The following DNER variants were observed in gnomAD, a reference collection of about 807,000 sequenced individuals.
DNER encodes delta/notch like EGF repeat containing.
Under a neutral mutation model 78.2 loss-of-function variants are expected in DNER, and 33 were observed. That is an observed-to-expected ratio of 0.42 (90% CI 0.32 to 0.56). The LOEUF is 0.56. Among genes scored for constraint, DNER ranks in the 20% least tolerant of loss-of-function variants. The pLI, the probability that DNER is intolerant of heterozygous loss-of-function variation, is 0.11. For missense variants in DNER, 918 were observed against 975.3 expected (o/e 0.94, Z 0.78); for synonymous variants, 417 against 384.8 (o/e 1.08, Z -0.98).
Position 229,367,004 on chromosome 2 carries a change from C to T in DNER, c.1971G>A (p.Leu657=). 1.2e-6 allele frequency: 2 copies of T among 1,614,038 alleles called. No homozygotes were observed. Among genetic ancestry groups the T allele is most frequent in the Non-Finnish European group, 1.7e-6 (2 of 1,179,988 alleles). ...GGCTGATGCGGCAAATCCCCACGAT[C>T]AGGATGATCAGCATAAGGATGAAGG... The part of the protein sequence containing the change: ...CVAFILMLII[L]IVGICRISRI... The change falls in exon 12 of 13, where the codon CTG becomes CTA. Residue 657 remains leucine, a synonymous_variant. Transcript: ENST00000341772.
intron 1 of DNER, among the ~76,000 whole-genome samples, chr2:229,596,251 T>C (rs921314681): frequency 6.6e-6 from 1 of 152,260 alleles, no homozygotes; most frequent in Non-Finnish European, 1.5e-5. Flanking sequence ...TGAAGTGTAC[T>C]GCCTTGTTAA....
chr2:229,574,078 GC>G (rs758806070), intron 4 of DNER, among the ~76,000 whole-genome samples: 4 of 152,166 alleles, frequency 2.6e-5, no homozygotes, highest in Non-Finnish European at 5.9e-5. Context: ...CAAGTTGAAT[GC>G]CACCTGAAGG....
chr2:229,446,654 A>G (rs1258226673), intron 8 of DNER, among the ~76,000 whole-genome samples: 1 of 152,210 alleles, frequency 6.6e-6, no homozygotes. Context: ...CTTTCTGACT[A>G]CACTAGTGGG....
chr2:229,670,992 G>A (rs552358892), intron 1 of DNER, among the ~76,000 whole-genome samples: 2 of 152,112 alleles, frequency 1.3e-5, no homozygotes, highest in South Asian at 4.2e-4. Context: ...TGCAGGGAGG[G>A]GGAATTTTTT....
chr2:229,626,103 T>C (rs746228717), intron 1 of DNER, among the ~76,000 whole-genome samples: 2 of 152,162 alleles, frequency 1.3e-5, no homozygotes, highest in Non-Finnish European at 2.9e-5. Context: ...GTATTTTTAG[T>C]AGAGACGGGG....
At chr2:229,512,343 A>G (rs1695880296) in intron 6 of DNER, among the ~76,000 whole-genome samples, 1 of 148,742 alleles carries the variant, frequency 6.7e-6, no homozygotes, top group South Asian at 2.1e-4. Flanking sequence ...AGATCACACC[A>G]TTGCACTCCA....
chr2:229,713,402 T>C (rs1699938711), intron 1 of DNER, among the ~76,000 whole-genome samples: 1 of 152,214 alleles, frequency 6.6e-6, no homozygotes, highest in Non-Finnish European at 1.5e-5. Flanking sequence ...CCCCACGCTT[T>C]CTGGCGGCTT....
rs114152356 is a variant in DNER, at chr2:229,396,863, C to G, written c.1724-8467G>C. Among the ~76,000 whole-genome samples the G allele has an allele frequency of 4.2e-3, 632 of 152,202 alleles. 4 individuals are homozygous for G. Among genetic ancestry groups the G allele is most frequent in the Non-Finnish European group, 6.7e-3 (455 of 68,014 alleles). On this transcript the variant is annotated intron_variant, in intron 10 of 12. Coordinates refer to ENST00000341772, the MANE Select transcript of DNER (RefSeq NM_139072.4). ...GGCAACAAAAAGTACCTCTGAGACT[C>G]TGGTTACCAAGAGGGTAGTCAATGT...
chr2:229,436,998 G>T (rs912025338), intron 8 of DNER, among the ~76,000 whole-genome samples: 1 of 152,220 alleles, frequency 6.6e-6, no homozygotes, highest in Non-Finnish European at 1.5e-5. Context: ...AAGGCACAGA[G>T]TGGCCGGTTG....
chr2:229,555,423 CCTT>C lies in DNER; in HGVS notation c.848-8334_848-8332del, dbSNP rs139613344. On this transcript the variant is annotated intron_variant, in intron 4 of 12. Transcript: ENST00000341772. Reference sequence around the variant, plus strand: ...TGCCCCCTTTGTCTGGAATACTCCTCCTTCTTCCAGTCTTACAGCCATTGAGAT... The same window carrying C: ...TGCCCCCTTTGTCTGGAATACTCCTCCTTCCAGTCTTACAGCCATTGAGAT... Among the ~76,000 whole-genome samples the C allele has an allele frequency of 9.8e-4, 149 of 152,280 alleles. 3 individuals carry two copies. The East Asian group carries it at 0.026, about 27-fold the overall frequency.
At chr2:229,413,992 C>A (rs1574832643) in intron 9 of DNER, among the ~76,000 whole-genome samples, 1 of 151,784 alleles carries the variant, frequency 6.6e-6, no homozygotes, top group East Asian at 1.9e-4. Context: ...TATATATTGG[C>A]AAAAATATTT....
intron 8 of DNER, among the ~76,000 whole-genome samples, chr2:229,426,477 A>G (rs1469797542): frequency 2.7e-5 from 4 of 150,920 alleles, no homozygotes; most frequent in African/African-American, 9.7e-5. Flanking sequence ...TATGGGTCAC[A>G]GAGAAAATAA....
chr2:229,511,442 G>A (rs545384540), intron 6 of DNER, among the ~76,000 whole-genome samples: 1 of 152,188 alleles, frequency 6.6e-6, no homozygotes, highest in East Asian at 1.9e-4. Flanking sequence ...AGAGCATGAA[G>A]TCTACAGCAA....
At chr2:229,668,941 T>C (rs1699159405) in intron 1 of DNER, among the ~76,000 whole-genome samples, 1 of 152,094 alleles carries the variant, frequency 6.6e-6, no homozygotes, top group African/African-American at 2.4e-5. Context: ...TACAGCAGTA[T>C]TCACAATAGC....
chr2:229,445,690 T>A (rs1694326474), intron 8 of DNER, among the ~76,000 whole-genome samples: 2 of 152,324 alleles, frequency 1.3e-5, no homozygotes, highest in South Asian at 2.1e-4. Flanking sequence ...CGCCTGAGTT[T>A]CCAGCCTGCC....
chr2:229,460,014 G>C (rs1004126425), intron 7 of DNER, among the ~76,000 whole-genome samples: 1 of 151,810 alleles, frequency 6.6e-6, no homozygotes, highest in African/African-American at 2.4e-5. Flanking sequence ...AAAATTAGCT[G>C]GGCGTGGTGG....
intron 1 of DNER, among the ~76,000 whole-genome samples, chr2:229,678,784 T>A (rs1004720229): frequency 3.9e-5 from 6 of 152,338 alleles, no homozygotes; most frequent in Middle Eastern, 3.4e-3. Context: ...CACATGACTT[T>A]CCTGTATTTA....
chr2:229,644,692 T>C (rs1698684740), intron 1 of DNER, among the ~76,000 whole-genome samples: 1 of 152,188 alleles, frequency 6.6e-6, no homozygotes, highest in South Asian at 2.1e-4. Flanking sequence ...ACCTGAGAGT[T>C]ACAGCTGCAG....
intron 1 of DNER, among the ~76,000 whole-genome samples, chr2:229,654,008 G>A (rs1338721564): frequency 1.3e-5 from 2 of 152,152 alleles, no homozygotes; most frequent in Non-Finnish European, 2.9e-5. Context: ...TGGTACATAT[G>A]CACAACGTGC....
Sources: gnomAD v4.1 joint callset for allele counts (sites outside exome capture counted in the v4.1 genomes callset) on GRCh38, gnomAD v4.1.1 for gene constraint, MANE v1.5 for transcripts, NCBI Gene and HGNC (gene_info 2026-07-23, HGNC 2026-07-21) for gene names.